The following KATNIP variants were observed in gnomAD, a reference collection of about 807,000 sequenced individuals.
KATNIP encodes katanin-interacting protein.
A neutral mutation model predicts 174.0 loss-of-function variants in KATNIP; 126 were observed. The observed-to-expected ratio is 0.72, with a 90% CI of 0.63 to 0.84. The LOEUF (loss-of-function observed/expected upper bound fraction) is 0.84. Ranked by LOEUF, KATNIP falls within the 40% of genes least tolerant of loss-of-function variation. The pLI is 0.00. For missense variants in KATNIP, 1,958 were observed against 2,109.7 expected (o/e 0.93, Z 1.41); for synonymous variants, 810 against 835.7 (o/e 0.97, Z 0.53).
chr16:27,713,359 T>C (rs1384839030), intron 13 of KATNIP, among the ~76,000 whole-genome samples: 1 of 152,118 alleles, frequency 6.6e-6, no homozygotes, highest in Non-Finnish European at 1.5e-5. Flanking sequence ...TTGATACGGT[T>C]TGACTGTGTC....
In KATNIP at chr16:27,744,571, G is replaced by C. The variant is rs191800208; in HGVS notation, c.2623+3651G>C. Reference sequence around the variant, plus strand: ...GGCACTCCAGCCTGGGTGACAGAGCGAGACCCTGTCTCTAAAAAAATGAAA... The same window carrying C: ...GGCACTCCAGCCTGGGTGACAGAGCCAGACCCTGTCTCTAAAAAAATGAAA... On this transcript the variant is annotated intron_variant, in intron 15 of 27. Transcript: ENST00000261588. 4.7e-3 allele frequency among the ~76,000 whole-genome samples: 713 copies of C among 151,792 alleles called. 7 individuals are homozygous for C. The highest frequency in any genetic ancestry group is 0.015 in the African/African-American group (622 of 41,370).
At chr16:27,579,854 C>T (rs2090629317) in intron 2 of KATNIP, among the ~76,000 whole-genome samples, 1 of 152,002 alleles carries the variant, frequency 6.6e-6, no homozygotes, top group South Asian at 2.1e-4. Context: ...CATGCATGCA[C>T]ATGCACACAC....
intron 23 of KATNIP, among the ~76,000 whole-genome samples, chr16:27,773,723 G>A (rs2082391957): frequency 6.6e-6 from 1 of 152,140 alleles, no homozygotes; most frequent in Non-Finnish European, 1.5e-5. Flanking sequence ...TTTCCCCTGA[G>A]AAATTGGCAA....
chr16:27,579,090 G>A (rs1007068511), intron 2 of KATNIP, among the ~76,000 whole-genome samples: 21 of 152,170 alleles, frequency 1.4e-4, no homozygotes, highest in Non-Finnish European at 2.8e-4. Flanking sequence ...AAAATCATTA[G>A]GAAGTAAATT....
chr16:27,670,276 G>A (rs1338151633), intron 6 of KATNIP, among the ~76,000 whole-genome samples: 1 of 152,168 alleles, frequency 6.6e-6, no homozygotes, highest in South Asian at 2.1e-4. Flanking sequence ...TGTTAGCTAA[G>A]CTAAGGGCTT....
At chr16:27,632,674 C>T in intron 5 of KATNIP, 1 of 454,958 alleles carries the variant, frequency 2.2e-6, no homozygotes, top group South Asian at 1.6e-5. Context: ...GGGCAGCAGG[C>T]AGGCTGGTTG....
intron 14 of KATNIP, among the ~76,000 whole-genome samples, chr16:27,735,516 G>A (rs1204918220): frequency 1.2e-4 from 19 of 152,160 alleles, no homozygotes; most frequent in Admixed American, 1.2e-3. Flanking sequence ...TTCTCAAATA[G>A]CTGTTCCCCG....
rs769384210 is a variant in KATNIP at position 27,631,052 on chromosome 16, G to A, written c.311-13G>A. 8.4e-6 allele frequency: 13 copies of A among 1,555,966 alleles called. No homozygotes were observed. The Admixed American group carries it at 1.7e-4, about 21-fold the overall frequency. The stretch of plus-strand genomic sequence containing the variant: ...GTGCCTCACCAAGTCTCCTTCCCTC[G>A]TCTCTGGTGCAGATTATGGACGAAG... On this transcript the variant is annotated splice_polypyrimidine_tract_variant and intron_variant, in intron 4 of 27. Transcript: ENST00000261588.
intron 8 of KATNIP, among the ~76,000 whole-genome samples, chr16:27,692,659 A>T (rs1281938309): frequency 4.6e-5 from 7 of 151,932 alleles, no homozygotes; most frequent in Non-Finnish European, 7.4e-5. Context: ...TCGTGTCCCC[A>T]CTCAGATATC....
intron 8 of KATNIP, among the ~76,000 whole-genome samples, chr16:27,693,099 C>T (rs753464526): frequency 1.9e-4 from 29 of 152,164 alleles, no homozygotes; most frequent in Non-Finnish European, 4.0e-4. Context: ...AGATCTTCCC[C>T]ATCCTTTTAC....
intron 11 of KATNIP, among the ~76,000 whole-genome samples, chr16:27,702,653 AG>A (rs2079143810): frequency 6.6e-6 from 1 of 152,182 alleles, no homozygotes; most frequent in Non-Finnish European, 1.5e-5. Flanking sequence ...CAGCCCAGAA[AG>A]GGGGTGGTCG....
intron 2 of KATNIP, among the ~76,000 whole-genome samples, chr16:27,591,164 A>G (rs532671943): frequency 3.0e-4 from 46 of 152,100 alleles, no homozygotes; most frequent in African/African-American, 1.1e-3. Context: ...AGTATAGAAT[A>G]TAGGAATGGA....
intron 6 of KATNIP, among the ~76,000 whole-genome samples, chr16:27,649,902 G>A (rs1012259585): frequency 1.3e-5 from 2 of 152,110 alleles, no homozygotes; most frequent in Non-Finnish European, 2.9e-5. Flanking sequence ...GGGGCCAGGC[G>A]CTGTGGCTCA....
Position 27,618,365 on chromosome 16 carries a change from C to T in KATNIP, c.64-60C>T, listed in dbSNP as rs537491138. The T allele has an allele frequency of 3.9e-5, 51 of 1,315,766 alleles. No homozygotes were observed. The South Asian group carries it at 5.1e-4, about 13-fold the overall frequency. The allele number at this position is 1,315,766 out of a possible 1,614,324, so 81.5% of individuals were successfully genotyped here. A position where few individuals can be genotyped will look rare whatever the true frequency, so the allele number is the denominator to read the frequency against. On this transcript the variant is annotated intron_variant, in intron 2 of 27. Coordinates refer to ENST00000261588, the MANE Select transcript of KATNIP (RefSeq NM_015202.5). ...GCTGCGCCGGTGTGTGCTGCACCTG[C>T]ACTCTCAGTCAGTGCTTCCCTGCAT...
chr16:27,657,637 C>T (rs189279280), intron 6 of KATNIP, among the ~76,000 whole-genome samples: 65 of 152,056 alleles, frequency 4.3e-4, no homozygotes, highest in Middle Eastern at 3.4e-3. Flanking sequence ...CAAGGCCAGA[C>T]GCAGTGGCTT....
chr16:27,756,498 G>A (rs564486150), intron 18 of KATNIP, among the ~76,000 whole-genome samples: 24 of 152,318 alleles, frequency 1.6e-4, no homozygotes, highest in African/African-American at 4.6e-4. Context: ...CAGTACGGAA[G>A]CTGGGAGTGC....
intron 1 of KATNIP, among the ~76,000 whole-genome samples, chr16:27,563,353 G>C (rs2089961162): frequency 6.6e-6 from 1 of 152,130 alleles, no homozygotes; most frequent in Non-Finnish European, 1.5e-5. Context: ...TGGGTCTACG[G>C]AGCAGAAGAG....
At chr16:27,705,405 C>A (rs1471072375) in intron 12 of KATNIP, among the ~76,000 whole-genome samples, 1 of 152,116 alleles carries the variant, frequency 6.6e-6, no homozygotes, top group Non-Finnish European at 1.5e-5. Flanking sequence ...GCTGGCCTGG[C>A]CTGGACTAGA....
At chr16:27,567,413 G>C (rs2090131014) in intron 1 of KATNIP, among the ~76,000 whole-genome samples, 1 of 152,204 alleles carries the variant, frequency 6.6e-6, no homozygotes, top group South Asian at 2.1e-4. Context: ...AGGATTGCTT[G>C]AGCCCACGAG....
Sources: allele counts gnomAD v4.1 joint callset (sites outside exome capture counted in the v4.1 genomes callset), GRCh38; gene constraint gnomAD v4.1.1; transcripts MANE v1.5; gene names NCBI Gene and HGNC (gene_info 2026-07-23, HGNC 2026-07-21).